SUDS3: variants seen among roughly 807,000 people sequenced by gnomAD.
SUDS3 encodes sin3 histone deacetylase corepressor complex component SDS3.
A neutral mutation model predicts 53.5 loss-of-function variants in SUDS3; 23 were observed. The ratio of observed to expected loss-of-function variants is 0.43; its 90% CI spans 0.31 to 0.61. SUDS3 has a LOEUF of 0.61. Among genes scored for constraint, SUDS3 ranks in the 20% least tolerant of loss-of-function variants. The probability of loss-of-function intolerance (pLI) is 0.10; values close to 1 mark genes in which losing one functional copy is unlikely to be tolerated. For missense variants in SUDS3, 291 were observed against 405.9 expected, an observed-to-expected ratio of 0.72 and a Z score of 2.43; for synonymous variants, 150 against 148.5, an observed-to-expected ratio of 1.01 and a Z score of -0.08.
rs757240916 is a variant in SUDS3 at position 118,400,629 on chromosome 12, A to G, written c.518-30A>G. On this transcript the variant is annotated intron_variant, in intron 6 of 11. Coordinates refer to ENST00000543473, the MANE Select transcript of SUDS3 (RefSeq NM_022491.3). The stretch of plus-strand genomic sequence containing the variant: ...CTTACTGACTTCAAGTGGGAGTTGG[A>G]TAGATTTACCCATTCCATTCTTGCC... 9 of 1,603,226 alleles carry G rather than the reference A, an allele frequency of 5.6e-6. No individual in the cohort carries two copies. The East Asian group carries it at 8.9e-5, about 16-fold the overall frequency.
chr12:118,395,385 C>G (rs1157759516), intron 6 of SUDS3, among the ~76,000 whole-genome samples: 2 of 151,878 alleles, frequency 1.3e-5, no homozygotes, highest in Non-Finnish European at 2.9e-5. Flanking sequence ...ACCACCACGC[C>G]TAGCTAATGT....
intron 5 of SUDS3, 172 bp from the exon 6 acceptor site, chr12:118,390,954 G>A: frequency 1.3e-6 from 1 of 777,516 alleles, no homozygotes; most frequent in Non-Finnish European, 2.3e-6. Flanking sequence ...AGTCACGTGG[G>A]TCTGATTTTA....
At chr12:118,403,610 G>A (rs2046283801) in intron 10 of SUDS3, 93 bp downstream of exon 10, 2 of 980,334 alleles carry the variant, frequency 2.0e-6, no homozygotes, top group East Asian at 2.6e-5. Context: ...GATCACGGCT[G>A]CTGCTAAACT....
chr12:118,405,979 G>A (rs2046305261), intron 10 of SUDS3, among the ~76,000 whole-genome samples: 1 of 152,168 alleles, frequency 6.6e-6, no homozygotes, highest in Admixed American at 6.5e-5. Context: ...AAACAAATGG[G>A]ATTCAGGCAT....
chr12:118,408,407 C>G (rs183090460), intron 10 of SUDS3, among the ~76,000 whole-genome samples: 17 of 151,986 alleles, frequency 1.1e-4, no homozygotes, highest in Non-Finnish European at 2.1e-4. Context: ...GATCTCAGCC[C>G]ACTGCAGTCC....
At position 118,411,152 on chromosome 12, in the gene SUDS3, A is replaced by C; in HGVS notation, c.883A>C (p.Asn295His). ...LSCVISSVGA[N>H]EIWVRKTSDS... is the part of the protein sequence containing the mutation. ...CTGCGTGATCAGTTCTGTAGGAGCC[A>C]ATGAGGTGGGAACCACACTCCCTCA... The change falls in exon 11 of 12, where the codon AAT (asparagine) becomes CAT (histidine). Residue 295 changes from asparagine (N) to histidine (H), a missense_variant. By Grantham distance (68) the Asn-to-His change is moderately conservative (BLOSUM62 1). Around this residue, in one of 4 missense-constraint regions of SUDS3, gnomAD observed 77 missense variants for 87.1 expected, o/e 0.88. Transcript: ENST00000543473. 6.3e-7 allele frequency: 1 copy of C among 1,591,124 alleles called. No homozygotes were observed. The highest frequency in any genetic ancestry group is 8.6e-7 in the Non-Finnish European group (1 of 1,168,476).
chr12:118,407,636 C>G (rs1174685273), intron 10 of SUDS3, among the ~76,000 whole-genome samples: 3 of 152,054 alleles, frequency 2.0e-5, no homozygotes, highest in Admixed American at 2.0e-4. Context: ...GAATAGCCTT[C>G]CAGAGTCAGC....
intron 4 of SUDS3, among the ~76,000 whole-genome samples, chr12:118,388,909 G>A (rs1469960661): frequency 6.6e-6 from 1 of 152,232 alleles, no homozygotes; most frequent in Admixed American, 6.5e-5. Context: ...AGCACTCTGG[G>A]AGGCTGAGGC....
intron 6 of SUDS3, among the ~76,000 whole-genome samples, chr12:118,392,659 G>T (rs147174308): frequency 1.3e-5 from 2 of 152,266 alleles, no homozygotes; most frequent in South Asian, 2.1e-4. Flanking sequence ...TCTGCCTGCC[G>T]GCTTTTGGAC....
intron 6 of SUDS3, among the ~76,000 whole-genome samples, chr12:118,395,216 GTTTTTTTTTT>G (rs71772462): frequency 1.2e-5 from 1 of 80,096 alleles, no homozygotes; most frequent in Non-Finnish European, 2.3e-5. Context: ...TGGAATCAGG[GTTTTTTTTTT>G]TTTTTTTTTT....
chr12:118,407,758 G>T (rs1270172708), intron 10 of SUDS3, among the ~76,000 whole-genome samples: 1 of 141,158 alleles, frequency 7.1e-6, no homozygotes, highest in Admixed American at 7.3e-5. Context: ...TCGCTCTGTC[G>T]CCCAGGCTGG....
At chr12:118,411,960 C>CCAGTAAGTGCT (rs1337311476) in intron 11 of SUDS3, among the ~76,000 whole-genome samples, 5 of 152,186 alleles carry the variant, frequency 3.3e-5, no homozygotes, top group Non-Finnish European at 7.3e-5. Flanking sequence ...GGTCTAGCAC[C>CCAGTAAGTGCT]CAGTAAGTGC....
intron 2 of SUDS3, among the ~76,000 whole-genome samples, chr12:118,381,994 C>CA (rs1252811508): frequency 9.2e-5 from 14 of 152,000 alleles, no homozygotes; most frequent in African/African-American, 3.1e-4. Context: ...CTTTGGAACT[C>CA]AAAGGGGTAA....
In SUDS3 at chr12:118,401,980, C is replaced by T; in HGVS notation, c.676-3C>T. ...AGATTTTTTGTTGTTGTTCTTCCTACAGCTTAAGTCACCCAAGAGACCAGG... is the reference window on the plus strand; with the variant it reads ...AGATTTTTTGTTGTTGTTCTTCCTATAGCTTAAGTCACCCAAGAGACCAGG... On this transcript the variant is annotated splice_region_variant and splice_polypyrimidine_tract_variant and intron_variant, in intron 8 of 11. Transcript: ENST00000543473. 1.9e-6 allele frequency: 3 copies of T among 1,613,948 alleles called. No homozygotes were observed. Among genetic ancestry groups the T allele is most frequent in the South Asian group, 1.1e-5 (1 of 91,082 alleles).
chr12:118,405,405 T>G (rs1195896032), intron 10 of SUDS3, among the ~76,000 whole-genome samples: 1 of 152,232 alleles, frequency 6.6e-6, no homozygotes, highest in African/African-American at 2.4e-5. Flanking sequence ...AATTCTTGTT[T>G]TTTTAAAGAA....
In SUDS3 at chr12:118,376,629, C is replaced by T. The variant is rs573894057; in HGVS notation, c.-63C>T. ...GCCGCGGACACTGCTAGGCAGACGG[C>T]GAGTACCGAGCGCGGGTGGCCGCGG... On this transcript the variant is annotated 5_prime_UTR_variant, in exon 1 of 12. Coordinates refer to ENST00000543473, the MANE Select transcript of SUDS3 (RefSeq NM_022491.3). 56 of 1,397,514 alleles carry T rather than the reference C, an allele frequency of 4.0e-5. No individual in the cohort carries two copies. The East Asian group carries it at 1.6e-3, about 39-fold the overall frequency. The allele number at this position is 1,397,514 out of a possible 1,614,324, so 86.6% of individuals were successfully genotyped here. A position where few individuals can be genotyped will look rare whatever the true frequency, so the allele number is the denominator to read the frequency against.
Position 118,391,135 on chromosome 12 carries a change from G to T in SUDS3, c.370G>T (p.Val124Leu), listed in dbSNP as rs1174175836. 1.9e-6 allele frequency: 3 copies of T among 1,613,046 alleles called. No individual in the cohort carries two copies. Among genetic ancestry groups the T allele is most frequent in the Non-Finnish European group, 2.5e-6 (3 of 1,179,724 alleles). Reference sequence around the variant, plus strand: ...TTTCTCTTTTGCTCAGACTGAACAAGTGGAACGAAATTACATTAAAGAAAA... The same window carrying T: ...TTTCTCTTTTGCTCAGACTGAACAATTGGAACGAAATTACATTAAAGAAAA... ...ELFLQLETEQ[V>L]ERNYIKEKKA... Residue 124 changes from valine to leucine, a missense_variant, in exon 6 of 12, where the codon GTG (valine) becomes TTG (leucine). Transcript: ENST00000543473.
rs1396361712 is a variant in SUDS3 at position 118,415,609 on chromosome 12, T to C, written c.*1176T>C. 6.6e-6 allele frequency: 1 copy of C among 152,150 alleles called. No individual in the cohort carries two copies. The allele number at this position is 152,150 out of a possible 1,614,324, so 9.4% of individuals were successfully genotyped here. A position where few individuals can be genotyped will look rare whatever the true frequency, so the allele number is the denominator to read the frequency against. On this transcript the variant is annotated 3_prime_UTR_variant, in exon 12 of 12. Transcript: ENST00000543473. ...TGATGAGTGTTGGGGTTTTCTATAC[T>C]CATGTTGCCATCTTGAGATGTTCAA...
At chr12:118,412,620 C>A (rs897608910) in intron 11 of SUDS3, among the ~76,000 whole-genome samples, 5 of 152,184 alleles carry the variant, frequency 3.3e-5, no homozygotes, top group African/African-American at 1.2e-4. Context: ...TCATGGTAAT[C>A]ATTTGCACCT....
Sources: gnomAD v4.1 joint callset for allele counts (sites outside exome capture counted in the v4.1 genomes callset) on GRCh38, gnomAD v4.1.1 for gene constraint, gnomAD v4.1.1 regional missense constraint, MANE v1.5 for transcripts, NCBI Gene and HGNC (gene_info 2026-07-23, HGNC 2026-07-21) for gene names.